Variants in SORCS1 observed in about 807,000 individuals in gnomAD.
The protein encoded by SORCS1 is VPS10 domain-containing receptor SorCS1.
Under a neutral mutation model 146.1 loss-of-function variants are expected in SORCS1, and 60 were observed. That is an observed-to-expected ratio of 0.41 (90% CI 0.33 to 0.51). The LOEUF is 0.51. Ranked by LOEUF, SORCS1 falls within the 20% of genes least tolerant of loss-of-function variation. The pLI is 0.21. For missense variants in SORCS1, 1,352 were observed against 1,487.6 expected (o/e 0.91, Z 1.50); for synonymous variants, 637 against 584.0 (o/e 1.09, Z -1.31).
At chr10:106,992,826 C>CTTTTT (rs36052970) in intron 1 of SORCS1, among the ~76,000 whole-genome samples, 38 of 57,092 alleles carry the variant, frequency 6.7e-4, no homozygotes, top group Non-Finnish European at 8.4e-4. Context: ...TTCTTTCTTT[C>CTTTTT]TTTTTTTTTT....
intron 7 of SORCS1, among the ~76,000 whole-genome samples, chr10:106,708,144 T>C (rs1391215227): frequency 1.3e-5 from 2 of 152,210 alleles, no homozygotes; most frequent in Admixed American, 1.3e-4. Flanking sequence ...TGAATTATTA[T>C]AGACAGAACC....
intron 1 of SORCS1, among the ~76,000 whole-genome samples, chr10:107,012,640 C>G (rs1340867852): frequency 6.6e-6 from 1 of 152,166 alleles, no homozygotes; most frequent in African/African-American, 2.4e-5. Flanking sequence ...GCTCATGGAA[C>G]AATCAGAATT....
chr10:106,637,588 G>A (rs1174853938), intron 18 of SORCS1, among the ~76,000 whole-genome samples: 6 of 152,336 alleles, frequency 3.9e-5, no homozygotes, highest in East Asian at 1.9e-4. Context: ...AGAGTCGCCA[G>A]TGAAGAGGAT....
At chr10:106,702,021 T>G (rs535866933) in intron 8 of SORCS1, among the ~76,000 whole-genome samples, 13 of 152,354 alleles carry the variant, frequency 8.5e-5, no homozygotes, top group African/African-American at 3.1e-4. Flanking sequence ...CCTAACTATA[T>G]ACACGATAAG....
intron 20 of SORCS1, among the ~76,000 whole-genome samples, chr10:106,618,911 G>A (rs1053135073): frequency 6.6e-6 from 1 of 152,052 alleles, no homozygotes; most frequent in African/African-American, 2.4e-5. Flanking sequence ...AAAATTTGGC[G>A]TGGTGCCTGC....
intron 4 of SORCS1, among the ~76,000 whole-genome samples, chr10:106,774,289 C>T (rs922203969): frequency 3.9e-5 from 6 of 152,110 alleles, no homozygotes; most frequent in Non-Finnish European, 5.9e-5. Flanking sequence ...TACTGATTAA[C>T]GCTTGAAATC....
chr10:106,923,811 T>C (rs1952843952), intron 2 of SORCS1, among the ~76,000 whole-genome samples: 1 of 152,236 alleles, frequency 6.6e-6, no homozygotes, highest in Non-Finnish European at 1.5e-5. Flanking sequence ...TGCATGTTTG[T>C]TTGTGTTTGA....
At chr10:106,900,704 G>A (rs1038631565) in intron 2 of SORCS1, among the ~76,000 whole-genome samples, 2 of 152,042 alleles carry the variant, frequency 1.3e-5, no homozygotes, top group African/African-American at 4.8e-5. Flanking sequence ...GGGTTGTCTT[G>A]CAAATAAATG....
chr10:107,018,344 T>A (rs1390396673), intron 1 of SORCS1, among the ~76,000 whole-genome samples: 2 of 152,074 alleles, frequency 1.3e-5, no homozygotes, highest in African/African-American at 4.8e-5. Flanking sequence ...CTGGCTAATT[T>A]TTTTATTTTT....
chr10:106,595,675 C>T (rs972953495), intron 24 of SORCS1, among the ~76,000 whole-genome samples: 2 of 152,174 alleles, frequency 1.3e-5, no homozygotes, highest in Non-Finnish European at 2.9e-5. Flanking sequence ...CTAGACCTAG[C>T]AGAGCCTCGT....
Position 106,850,381 on chromosome 10 carries a change from G to C in SORCS1, c.627-20708C>G, listed in dbSNP as rs377156800. Among the ~76,000 whole-genome samples the C allele has an allele frequency of 6.3e-3, 952 of 151,854 alleles. 12 individuals carry two copies. Among genetic ancestry groups the C allele is most frequent in the African/African-American group, 0.022 (891 of 41,212 alleles). ...CGTCCGTCACCCCTTTCTTTGACTC[G>C]GAAAGGGAACTCCCTGACCCCTTGC... On this transcript the variant is annotated intron_variant, in intron 2 of 25. Coordinates refer to ENST00000263054, the MANE Select transcript of SORCS1 (RefSeq NM_052918.5).
chr10:107,026,271 T>C (rs1044743087), intron 1 of SORCS1, among the ~76,000 whole-genome samples: 2 of 152,162 alleles, frequency 1.3e-5, no homozygotes, highest in African/African-American at 2.4e-5. Context: ...AATAAATTTA[T>C]TTGAAAGAGA....
chr10:106,989,555 C>A (rs78106477), intron 1 of SORCS1, among the ~76,000 whole-genome samples: 33,547 of 151,808 alleles, frequency 0.22, 4,462 homozygotes, highest in Middle Eastern at 0.33. Flanking sequence ...ATCCTCTCCC[C>A]CTTCTTGCAT....
chr10:107,048,544 T>G (rs1262102220), intron 1 of SORCS1, among the ~76,000 whole-genome samples: 1 of 152,198 alleles, frequency 6.6e-6, no homozygotes, highest in Non-Finnish European at 1.5e-5. Flanking sequence ...ATGTGATATT[T>G]GCAAAGTAAA....
At position 106,577,316 on chromosome 10, in the gene SORCS1, A is replaced by G. The variant is rs762271593; in HGVS notation, c.*104T>C. On this transcript the variant is annotated 3_prime_UTR_variant, in exon 26 of 26. Transcript: ENST00000263054. ...AAAATAGGAAACAGAACAACAAAGG[A>G]AAGAAAAAAAACACAAAGTTAGTGG... 6.2e-7 allele frequency: 1 copy of G among 1,607,986 alleles called. No homozygotes were observed. The highest frequency in any genetic ancestry group is 2.3e-5 in the East Asian group (1 of 44,430).
intron 10 of SORCS1, among the ~76,000 whole-genome samples, chr10:106,679,992 T>C (rs1381348988): frequency 6.6e-6 from 1 of 152,152 alleles, no homozygotes; most frequent in African/African-American, 2.4e-5. Context: ...TCTTTGTCAT[T>C]ACAGAGCTTA....
chr10:106,955,500 C>T (rs1007854240), intron 2 of SORCS1, among the ~76,000 whole-genome samples: 1 of 152,234 alleles, frequency 6.6e-6, no homozygotes, highest in African/African-American at 2.4e-5. Context: ...AAAACTCAAG[C>T]AGAGGCACTG....
chr10:106,799,022 C>A (rs1317705137), intron 3 of SORCS1, among the ~76,000 whole-genome samples: 1 of 152,092 alleles, frequency 6.6e-6, no homozygotes, highest in Admixed American at 6.6e-5. Flanking sequence ...GTACTGGTAC[C>A]AAAACAGAGA....
At chr10:106,680,419 T>C (rs1258219856) in intron 10 of SORCS1, among the ~76,000 whole-genome samples, 1 of 152,174 alleles carries the variant, frequency 6.6e-6, no homozygotes, top group East Asian at 1.9e-4. Flanking sequence ...GTCTCAGTTG[T>C]ATAGAAAAAG....
Sources: gnomAD v4.1 joint callset for allele counts (sites outside exome capture counted in the v4.1 genomes callset) on GRCh38, gnomAD v4.1.1 for gene constraint, MANE v1.5 for transcripts, NCBI Gene and HGNC (gene_info 2026-07-23, HGNC 2026-07-21) for gene names.